Variants in ZNF568 observed in about 807,000 individuals in gnomAD.
ZNF568 encodes p53 inhibitor of SCO2 activation.
Under a neutral mutation model 18.1 loss-of-function variants are expected in ZNF568, and 11 were observed. The observed-to-expected ratio is 0.61, with a 90% CI of 0.38 to 1.00. ZNF568 has a LOEUF of 1.00. Ranked by LOEUF, ZNF568 falls within the 50% of genes least tolerant of loss-of-function variation. The pLI is 0.01. For synonymous variants in ZNF568, 213 were observed against 246.6 expected, an observed-to-expected ratio of 0.86 and a Z score of 1.28; for missense variants, 639 against 768.2, an observed-to-expected ratio of 0.83 and a Z score of 1.99.
At chr19:36,982,804 C>T (rs2074342586), downstream of ZNF568, among the ~76,000 whole-genome samples, 1 of 152,124 alleles carries the variant, frequency 6.6e-6, no homozygotes, top group Non-Finnish European at 1.5e-5. Flanking sequence ...ATCATGTACA[C>T]CTTTATTGGG....
downstream of ZNF568, among the ~76,000 whole-genome samples, chr19:36,984,611 C>T (rs1419831869): frequency 6.6e-6 from 1 of 151,836 alleles, no homozygotes; most frequent in Non-Finnish European, 1.5e-5. Flanking sequence ...TTCTTTCTTA[C>T]ATGTCAAGCT....
At chr19:36,933,912 T>TG (rs1456961370) in intron 4 of ZNF568, among the ~76,000 whole-genome samples, 2 of 31,352 alleles carry the variant, frequency 6.4e-5, no homozygotes, top group Admixed American at 6.7e-4. Context: ...TTTTTTTTTG[T>TG]TTTGTTTTTT....
At position 36,950,248 on chromosome 19, in the gene ZNF568, T is replaced by A; in HGVS notation, c.1095T>A (p.Asn365Lys). The change falls in exon 7 of 7, where the codon AAT becomes AAA. Residue 365 changes from asparagine (N) to lysine (K), a missense_variant. Physicochemically the swap from Asn to Lys is moderately conservative, Grantham distance 94. Transcript: ENST00000333987. ...IHTGEKPYAC[N>K]ECGRAFSRMS... is the part of the protein sequence containing the mutation. The stretch of plus-strand genomic sequence containing the variant: ...CTGGGGAGAAACCTTATGCATGTAA[T>A]GAATGTGGTAGAGCTTTTTCTCGAA... 1 of 1,613,936 alleles carries A rather than the reference T, an allele frequency of 6.2e-7. No individual in the cohort carries two copies. Among genetic ancestry groups the A allele is most frequent in the Non-Finnish European group, 8.5e-7 (1 of 1,179,980 alleles).
intron 4 of ZNF568, among the ~76,000 whole-genome samples, chr19:36,926,021 T>G (rs2073547466): frequency 6.6e-6 from 1 of 152,194 alleles, no homozygotes; most frequent in African/African-American, 2.4e-5. Context: ...CTTCAAAAAT[T>G]CAAATTACCT....
chr19:36,936,164 C>G (rs1034622897), intron 4 of ZNF568, among the ~76,000 whole-genome samples: 2 of 152,028 alleles, frequency 1.3e-5, no homozygotes, highest in African/African-American at 2.4e-5. Flanking sequence ...CTTATCAGAA[C>G]CTACTTCAGA....
At chr19:36,960,274 T>A (rs568278125) in intron 6 of ZNF568, among the ~76,000 whole-genome samples, 1 of 151,780 alleles carries the variant, frequency 6.6e-6, no homozygotes. Flanking sequence ...CTCACCACCA[T>A]GCCCAGCTAA....
chr19:36,995,194 T>G (rs1667358), intron 4 of ZNF568, among the ~76,000 whole-genome samples: 81,184 of 151,806 alleles, frequency 0.53, 22,228 homozygotes, highest in African/African-American at 0.62. Flanking sequence ...GGTCAGGTGT[T>G]TGAGACCAGT....
At chr19:36,947,690 G>A (rs1303361482) in intron 6 of ZNF568, among the ~76,000 whole-genome samples, 2 of 152,006 alleles carry the variant, frequency 1.3e-5, no homozygotes, top group African/African-American at 2.4e-5. Context: ...TTTGAGATGA[G>A]GTCTTGCTAT....
chr19:36,971,286 T>G (rs539205382), intron 6 of ZNF568, among the ~76,000 whole-genome samples: 1 of 151,078 alleles, frequency 6.6e-6, no homozygotes, highest in South Asian at 2.1e-4. Context: ...GCATTTCTAA[T>G]GTTTTTGCTT....
Position 36,922,671 on chromosome 19 carries a change from C to T in ZNF568, c.-100C>T, listed in dbSNP as rs1195619120. 3 of 954,336 alleles carry T rather than the reference C, an allele frequency of 3.1e-6. No homozygotes were observed. Among genetic ancestry groups the T allele is most frequent in the Non-Finnish European group, 4.9e-6 (3 of 617,766 alleles). The allele number at this position is 954,336 out of a possible 1,614,324, so 59.1% of individuals were successfully genotyped here. A position where few individuals can be genotyped will look rare whatever the true frequency, so the allele number is the denominator to read the frequency against. ...GTCTTATCATGGAAGGAGACCTGAC[C>T]TGAGACCTGCCTTAGAGGCTGGAGA... On this transcript the variant is annotated 5_prime_UTR_variant, in exon 3 of 7. Coordinates refer to ENST00000333987, the MANE Select transcript of ZNF568 (RefSeq NM_198539.4).
At chr19:36,978,730 G>A (rs16971876) in intron 7 of ZNF568, among the ~76,000 whole-genome samples, 3,156 of 152,058 alleles carry the variant, frequency 0.021, 64 homozygotes, top group Middle Eastern at 0.054. Context: ...TTTCAGCCTC[G>A]TCTCTCTGCT....
intron 4 of ZNF568, among the ~76,000 whole-genome samples, chr19:36,994,976 C>T (rs552845095): frequency 6.6e-6 from 1 of 152,022 alleles, no homozygotes; most frequent in African/African-American, 2.4e-5. Context: ...TCACTGGTTA[C>T]AATTTTTGTC....
At chr19:36,980,812 A>G (rs117480913), downstream of ZNF568, among the ~76,000 whole-genome samples, 2,289 of 152,156 alleles carry the variant, frequency 0.015, 24 homozygotes, top group Non-Finnish European at 0.024. Flanking sequence ...ATGTGCACGA[A>G]CTCAGTTTCC....
intron 6 of ZNF568, among the ~76,000 whole-genome samples, chr19:36,942,861 C>T (rs1406635162): frequency 6.6e-6 from 1 of 152,082 alleles, no homozygotes; most frequent in African/African-American, 2.4e-5. Flanking sequence ...TTCTTACTAT[C>T]ATCTTCTACT....
At chr19:36,991,502 T>C (rs2074424296) in intron 3 of ZNF568, 1 of 694,790 alleles carries the variant, frequency 1.4e-6, no homozygotes, top group Admixed American at 3.3e-5. Flanking sequence ...TTTATCTTCA[T>C]TATTTTCATA....
At chr19:36,927,194 G>T (rs1418678183) in intron 4 of ZNF568, among the ~76,000 whole-genome samples, 1 of 152,086 alleles carries the variant, frequency 6.6e-6, no homozygotes, top group African/African-American at 2.4e-5. Flanking sequence ...ATACATAATA[G>T]AATTCAGTCA....
intron 6 of ZNF568, among the ~76,000 whole-genome samples, chr19:36,965,825 C>T (rs530196261): frequency 6.6e-6 from 1 of 151,414 alleles, no homozygotes; most frequent in Admixed American, 6.6e-5. Context: ...CTCAGCCTCC[C>T]AATTAGCTGG....
rs573792521 is a variant in ZNF568 at position 36,922,863 on chromosome 19, G to A, written c.76+17G>A. 5.6e-5 allele frequency: 90 copies of A among 1,612,590 alleles called. 1 individual carries two copies. The South Asian group carries it at 9.2e-4, about 17-fold the overall frequency. ...AAAGGAAAGGTGAGGTGGCTCATAG[G>A]TGGACAGAGCTTAGGAGAGAAAGGC... On this transcript the variant is annotated intron_variant, in intron 3 of 6. Coordinates refer to ENST00000333987, the MANE Select transcript of ZNF568 (RefSeq NM_198539.4).
chr19:36,974,452 G>T lies in ZNF568; in HGVS notation c.391G>T (p.Glu131Ter), dbSNP rs1380717878. ...AAGAGGAGAGAACTGCTGTGCGTCT[G>T]AAGTGATGGCGGAGGTAAGTTGCAT... The change falls in exon 7 of 8, where the codon GAA becomes TAA. Residue 131 changes from glutamate to a stop codon, truncating the protein, a stop_gained. Coordinates refer to the ZNF568 transcript ENST00000427117. LOFTEE classifies it high-confidence loss of function. 2 of 1,536,004 alleles carry T rather than the reference G, an allele frequency of 1.3e-6. No homozygotes were observed. Among genetic ancestry groups the T allele is most frequent in the Non-Finnish European group, 1.7e-6 (2 of 1,146,910 alleles).
Sources: allele counts gnomAD v4.1 joint callset (sites outside exome capture counted in the v4.1 genomes callset), GRCh38; gene constraint gnomAD v4.1.1; transcripts MANE v1.5; gene names NCBI Gene and HGNC (gene_info 2026-07-23, HGNC 2026-07-21).